The following TRAF5 variants were observed in gnomAD, a reference collection of about 807,000 sequenced individuals.
TRAF5 encodes TNF receptor associated factor 5, also known as TNF receptor-associated factor 5.
TRAF5 carries 48 observed loss-of-function variants against 64.5 expected under a neutral mutation model. The observed-to-expected ratio is 0.74, with a 90% confidence interval of 0.59 to 0.95. The LOEUF is 0.95. TRAF5 is among the 40% of genes least tolerant of loss of function. The pLI, the probability that TRAF5 is intolerant of heterozygous loss-of-function variation, is 0.00. For missense variants in TRAF5, 545 were observed against 662.8 expected (o/e 0.82, Z 1.95); for synonymous variants, 206 against 240.5 (o/e 0.86, Z 1.33).
At chr1:211,355,528 G>T (rs537631096) in intron 3 of TRAF5, among the ~76,000 whole-genome samples, 1 of 152,014 alleles carries the variant, frequency 6.6e-6, no homozygotes. Context: ...TGCTGTACAC[G>T]CATCTTCTCT....
chr1:211,330,210 G>T (rs1258485375), intron 1 of TRAF5, among the ~76,000 whole-genome samples: 2 of 152,086 alleles, frequency 1.3e-5, no homozygotes, highest in Non-Finnish European at 2.9e-5. Context: ...TGATGTGCAG[G>T]TCTTAGAGAC....
chr1:211,344,253 G>A (rs1442129126), intron 1 of TRAF5, among the ~76,000 whole-genome samples: 4 of 152,184 alleles, frequency 2.6e-5, no homozygotes, highest in South Asian at 2.1e-4. Context: ...TTGCTGTACC[G>A]CCAGGAGAAT....
chr1:211,360,919 T>A, intron 6 of TRAF5, 140 bp downstream of exon 6: 1 of 997,942 alleles, frequency 1.0e-6, no homozygotes. Context: ...CTGTCTTCCC[T>A]TCTCTTTTTC....
In TRAF5 at chr1:211,330,432, C is replaced by G. The variant is rs569598732; in HGVS notation, c.-2+3543C>G. 1.1e-4 allele frequency among the ~76,000 whole-genome samples: 17 copies of G among 151,566 alleles called. No individual in the cohort carries two copies. The South Asian group carries it at 2.9e-3, about 26-fold the overall frequency. On this transcript the variant is annotated intron_variant, in intron 1 of 10. Coordinates refer to ENST00000261464, the MANE Select transcript of TRAF5 (RefSeq NM_001033910.3). ...CCAGAACAAGGCGAGAGTACCTTTT[C>G]CACGTACACTCCCAAGTCAGCTCTC...
intron 1 of TRAF5, among the ~76,000 whole-genome samples, chr1:211,335,676 T>A (rs539099339): frequency 1.3e-4 from 20 of 152,212 alleles, no homozygotes; most frequent in African/African-American, 4.6e-4. Context: ...GGCTTGTATG[T>A]GTTTAGCTCA....
intron 3 of TRAF5, among the ~76,000 whole-genome samples, chr1:211,355,172 C>T (rs74713394): frequency 1.2e-4 from 16 of 128,452 alleles, no homozygotes; most frequent in African/African-American, 4.6e-4. Flanking sequence ...GACTCTGTCT[C>T]AAAAAAAAAA....
chr1:211,359,693 TG>T, intron 4 of TRAF5: 1 of 479,880 alleles, frequency 2.1e-6, no homozygotes, highest in Non-Finnish European at 3.7e-6. Flanking sequence ...CAGCCAAGAC[TG>T]GCTTTCCCAT....
rs1703118581 is a variant in TRAF5 at position 211,359,904 on chromosome 1, T to C, written c.379-8T>C. On this transcript the variant is annotated splice_region_variant and splice_polypyrimidine_tract_variant and intron_variant, in intron 4 of 10. Coordinates refer to ENST00000261464, the MANE Select transcript of TRAF5 (RefSeq NM_001033910.3). ...CAGGTCCCACTGGCCTGTTGTTATCTGTTGCAGGATCACCTTCAGCAGTGC... is the reference window on the plus strand; with the variant it reads ...CAGGTCCCACTGGCCTGTTGTTATCCGTTGCAGGATCACCTTCAGCAGTGC... 1 of 1,613,908 alleles carries C rather than the reference T, an allele frequency of 6.2e-7. No homozygotes were observed. Among genetic ancestry groups the C allele is most frequent in the Non-Finnish European group, 8.5e-7 (1 of 1,179,804 alleles).
chr1:211,330,091 G>A (rs1702117483), intron 1 of TRAF5, among the ~76,000 whole-genome samples: 1 of 152,214 alleles, frequency 6.6e-6, no homozygotes, highest in Non-Finnish European at 1.5e-5. Context: ...ACAGTGGTGA[G>A]CACATTTTGC....
At chr1:211,353,881 A>G (rs535888234) in intron 2 of TRAF5, among the ~76,000 whole-genome samples, 1 of 152,348 alleles carries the variant, frequency 6.6e-6, no homozygotes, top group East Asian at 1.9e-4. Flanking sequence ...GACCTGGGTC[A>G]TACTGTGTTG....
At position 211,371,471 on chromosome 1, in the gene TRAF5, G is replaced by A; in HGVS notation, c.1099+1G>A. Reference sequence around the variant, plus strand: ...CTAGAAAACAATGATCAAAGATTAGGTATGTCTGATATTTTATTTCTCTTT... The same window carrying A: ...CTAGAAAACAATGATCAAAGATTAGATATGTCTGATATTTTATTTCTCTTT... On this transcript the variant is annotated splice_donor_variant, in intron 10 of 10. Coordinates refer to ENST00000261464, the MANE Select transcript of TRAF5 (RefSeq NM_001033910.3). LOFTEE classifies it high-confidence loss of function. 1 of 1,604,916 alleles carries A rather than the reference G, an allele frequency of 6.2e-7. No homozygotes were observed. Among genetic ancestry groups the A allele is most frequent in the Non-Finnish European group, 8.5e-7 (1 of 1,178,060 alleles).
rs1558140868 is a variant in TRAF5, at chr1:211,354,452, C to T, written c.261C>T (p.Val87=). 2.5e-6 allele frequency: 4 copies of T among 1,613,990 alleles called. No homozygotes were observed. Among genetic ancestry groups the T allele is most frequent in the South Asian group, 2.2e-5 (2 of 91,076 alleles). The change falls in exon 3 of 11, where the codon GTC becomes GTT. Residue 87 remains valine (V), a synonymous_variant. Transcript: ENST00000261464. ...TVPICPVDKE[V]IKSQEVFKDN... Reference sequence around the variant, plus strand: ...CAATCTGCCCTGTAGATAAAGAGGTCATCAAATCTCAGGAGGTAAGAAAGT... The same window carrying T: ...CAATCTGCCCTGTAGATAAAGAGGTTATCAAATCTCAGGAGGTAAGAAAGT...
intron 8 of TRAF5, 22 bp downstream of exon 8, chr1:211,365,490 T>G (rs753589094): frequency 5.8e-5 from 92 of 1,591,234 alleles, no homozygotes; most frequent in Non-Finnish European, 7.2e-5. Flanking sequence ...AAGGTTCAAA[T>G]AAAAAGTGAG....
In TRAF5 at chr1:211,361,274, A is replaced by G. The variant is rs1703171671; in HGVS notation, c.696+112A>G. 4.4e-6 allele frequency: 4 copies of G among 907,014 alleles called. No homozygotes were observed. In the African/African-American group the frequency reaches 6.6e-5, roughly 15 times the overall value. The allele number at this position is 907,014 out of a possible 1,614,324, so 56.2% of individuals were successfully genotyped here. A position where few individuals can be genotyped will look rare whatever the true frequency, so the allele number is the denominator to read the frequency against. ...TGGAGAAAGACATACAGTTCTGAGAAATTTAAGGCTAATTATTTTAGAGTT... is the reference window on the plus strand; with the variant it reads ...TGGAGAAAGACATACAGTTCTGAGAGATTTAAGGCTAATTATTTTAGAGTT... On this transcript the variant is annotated intron_variant, in intron 7 of 10. Coordinates refer to ENST00000261464, the MANE Select transcript of TRAF5 (RefSeq NM_001033910.3).
chr1:211,359,709 G>C, intron 4 of TRAF5: 1 of 503,966 alleles, frequency 2.0e-6, no homozygotes. Flanking sequence ...TCCCATCTCT[G>C]GTACAAGCAG....
chr1:211,333,647 A>C (rs1702218822), intron 1 of TRAF5, among the ~76,000 whole-genome samples: 1 of 151,824 alleles, frequency 6.6e-6, no homozygotes, highest in South Asian at 2.1e-4. Flanking sequence ...ACAGGCACCC[A>C]CCAGCAGGCC....
At chr1:211,329,647 C>T (rs1702107482) in intron 1 of TRAF5, among the ~76,000 whole-genome samples, 1 of 152,196 alleles carries the variant, frequency 6.6e-6, no homozygotes. Flanking sequence ...ACCAGCGAGA[C>T]AGTCATCAAA....
Position 211,371,330 on chromosome 1 carries a change from C to T in TRAF5, c.959C>T (p.Ala320Val). The T allele has an allele frequency of 6.3e-7, 1 of 1,599,598 alleles. No individual in the cohort carries two copies. Among genetic ancestry groups the T allele is most frequent in the South Asian group, 1.1e-5 (1 of 87,056 alleles). ...TTTGCCAGTCACATTGACAAGTCAG[C>T]TTGGCTAGAAGCTCAAGTGCATCAA... Reference protein sequence around the residue: ...QVFASHIDKSAWLEAQVHQLL... With the variant: ...QVFASHIDKSVWLEAQVHQLL... The change falls in exon 10 of 11, where the codon GCT becomes GTT. Residue 320 changes from alanine to valine, a missense_variant. Coordinates refer to ENST00000261464, the MANE Select transcript of TRAF5 (RefSeq NM_001033910.3).
chr1:211,359,971 G>A lies in TRAF5; in HGVS notation c.438G>A (p.Glu146=), dbSNP rs2102755440. 1 of 1,614,072 alleles carries A rather than the reference G, an allele frequency of 6.2e-7. No individual in the cohort carries two copies. The highest frequency in any genetic ancestry group is 8.5e-7 in the Non-Finnish European group (1 of 1,179,948). ...PVQCSNEKCR[E]PVLRKDLKEH... ...AGTGTTCTAATGAGAAGTGCCGGGA[G>A]CCAGTCCTACGGAAAGACCTGAAAG... is the stretch of plus-strand genomic sequence containing the variant. Residue 146 remains glutamate (E), a synonymous_variant, in exon 5 of 11, where the codon GAG becomes GAA. Transcript: ENST00000261464.
Sources: gnomAD v4.1 joint callset for allele counts (sites outside exome capture counted in the v4.1 genomes callset) on GRCh38, gnomAD v4.1.1 for gene constraint, MANE v1.5 for transcripts, NCBI Gene and HGNC (gene_info 2026-07-23, HGNC 2026-07-21) for gene names.